Variants in ROR2 observed in about 807,000 individuals in gnomAD.
ROR2 encodes tyrosine-protein kinase transmembrane receptor ROR2.
A neutral mutation model predicts 74.9 loss-of-function variants in ROR2; 33 were observed. That is an observed-to-expected ratio of 0.44 (90% CI 0.33 to 0.59). ROR2 has a LOEUF of 0.59. Among genes scored for constraint, ROR2 ranks in the 20% least tolerant of loss-of-function variants. The pLI, the probability that ROR2 is intolerant of heterozygous loss-of-function variation, is 0.02. For missense variants in ROR2, 1,216 were observed against 1,313.8 expected (o/e 0.93, Z 1.15); for synonymous variants, 586 against 558.7 (o/e 1.05, Z -0.69).
chr9:91,852,659 A>ACACACT (rs1563999941), intron 1 of ROR2, among the ~76,000 whole-genome samples: 1 of 151,426 alleles, frequency 6.6e-6, no homozygotes, highest in South Asian at 2.1e-4. Context: ...ACCCACACAC[A>ACACACT]CAATGTAAGT....
intron 1 of ROR2, among the ~76,000 whole-genome samples, chr9:91,902,873 T>C (rs1564028750): frequency 1.3e-5 from 2 of 152,174 alleles, no homozygotes; most frequent in African/African-American, 4.8e-5. Context: ...ATAGACTGCA[T>C]GTTCCACTTC....
At chr9:91,801,160 TA>T (rs946327647) in intron 1 of ROR2, among the ~76,000 whole-genome samples, 1 of 152,118 alleles carries the variant, frequency 6.6e-6, no homozygotes, top group African/African-American at 2.4e-5. Context: ...CACTTCTCCA[TA>T]ATTAACCACC....
At chr9:91,765,835 G>A (rs770224146) in intron 2 of ROR2, among the ~76,000 whole-genome samples, 4 of 152,274 alleles carry the variant, frequency 2.6e-5, no homozygotes, top group Admixed American at 2.0e-4. Flanking sequence ...TAGCAGAATC[G>A]TTTCTATATT....
chr9:91,898,265 T>C (rs567466632), intron 1 of ROR2, among the ~76,000 whole-genome samples: 2 of 152,228 alleles, frequency 1.3e-5, no homozygotes, highest in Non-Finnish European at 2.9e-5. Flanking sequence ...AGGTGACCTG[T>C]GGCCAACTAA....
At chr9:91,763,008 AT>A (rs1825962123) in intron 2 of ROR2, among the ~76,000 whole-genome samples, 1 of 152,250 alleles carries the variant, frequency 6.6e-6, no homozygotes, top group African/African-American at 2.4e-5. Context: ...CATAAAAAAA[AT>A]CATATCCTTT....
At chr9:91,888,381 T>A (rs1456615574) in intron 1 of ROR2, among the ~76,000 whole-genome samples, 1 of 152,058 alleles carries the variant, frequency 6.6e-6, no homozygotes, top group Non-Finnish European at 1.5e-5. Context: ...TAGTGCCAGA[T>A]TAGAGGACGC....
chr9:91,931,075 T>C (rs761808437), intron 1 of ROR2, among the ~76,000 whole-genome samples: 1 of 152,108 alleles, frequency 6.6e-6, no homozygotes, highest in Non-Finnish European at 1.5e-5. Flanking sequence ...AAATAGAAAC[T>C]ATGCTCCCCC....
rs1017099338 is a variant in ROR2, at chr9:91,927,067, G to A, written c.97+22800C>T. On this transcript the variant is annotated intron_variant, in intron 1 of 8. Coordinates refer to ENST00000375708, the MANE Select transcript of ROR2 (RefSeq NM_004560.4). Reference sequence around the variant, plus strand: ...AAAAATAACACGTTTTTTATAAGAAGTGTTATATCATTAAATTTGGTAGAA... The same window carrying A: ...AAAAATAACACGTTTTTTATAAGAAATGTTATATCATTAAATTTGGTAGAA... 2.7e-5 allele frequency among the ~76,000 whole-genome samples: 4 copies of A among 150,422 alleles called. No homozygotes were observed. The East Asian group carries it at 7.8e-4, about 29-fold the overall frequency.
At chr9:91,878,666 T>C (rs1830020792) in intron 1 of ROR2, among the ~76,000 whole-genome samples, 1 of 152,210 alleles carries the variant, frequency 6.6e-6, no homozygotes, top group African/African-American at 2.4e-5. Flanking sequence ...CCCATCATTC[T>C]CTGAGAAGCA....
At chr9:91,756,234 G>T in intron 3 of ROR2, 133 bp from the exon 4 acceptor site, 1 of 804,076 alleles carries the variant, frequency 1.2e-6, no homozygotes, top group Non-Finnish European at 2.2e-6. Flanking sequence ...CGGGCCTCAG[G>T]CTCCACTCGT....
chr9:91,872,670 C>T (rs962791494), intron 1 of ROR2, among the ~76,000 whole-genome samples: 25 of 152,126 alleles, frequency 1.6e-4, no homozygotes, highest in African/African-American at 4.6e-4. Context: ...AAACACAGGG[C>T]GTGCGTTTTA....
intron 7 of ROR2, 26 bp from the exon 8 acceptor site, chr9:91,726,769 T>C: frequency 6.2e-7 from 1 of 1,612,040 alleles, no homozygotes; most frequent in South Asian, 1.1e-5. Flanking sequence ...CTTTCGTGAT[T>C]TTTCAGAAAA....
intron 2 of ROR2, among the ~76,000 whole-genome samples, chr9:91,769,861 CG>C (rs983679689): frequency 6.6e-6 from 1 of 152,196 alleles, no homozygotes; most frequent in Admixed American, 6.5e-5. Flanking sequence ...GCAGAGACCA[CG>C]CCGCCTCATA....
At chr9:91,738,122 T>C (rs991026645) in intron 4 of ROR2, among the ~76,000 whole-genome samples, 2 of 152,166 alleles carry the variant, frequency 1.3e-5, no homozygotes, top group African/African-American at 2.4e-5. Context: ...AGGTAAAACA[T>C]AAAGAATAAG....
intron 1 of ROR2, among the ~76,000 whole-genome samples, chr9:91,797,772 AGGGCTGACACCCTGGGCTCTGTGGGTG>A (rs1827225536): frequency 6.2e-5 from 2 of 32,280 alleles, no homozygotes; most frequent in Admixed American, 3.0e-4. Flanking sequence ...ATCTGTGGAT[AGGGCTGACACCCTGGGCTCTGTGGGTG>A]GGGCTGACAC....
At chr9:91,787,259 C>G (rs906059350) in intron 1 of ROR2, among the ~76,000 whole-genome samples, 1 of 152,126 alleles carries the variant, frequency 6.6e-6, no homozygotes, top group Non-Finnish European at 1.5e-5. Flanking sequence ...GCCTGTAATC[C>G]CAGCACTTTG....
chr9:91,777,079 T>C (rs1396256366), intron 1 of ROR2, among the ~76,000 whole-genome samples: 8 of 152,234 alleles, frequency 5.3e-5, no homozygotes, highest in Admixed American at 1.3e-4. Context: ...GAACTGACAC[T>C]TTAAGTTTCA....
At chr9:91,732,259 C>A (rs1837268923) in intron 6 of ROR2, among the ~76,000 whole-genome samples, 1 of 152,220 alleles carries the variant, frequency 6.6e-6, no homozygotes, top group African/African-American at 2.4e-5. Flanking sequence ...CAATGGTTTT[C>A]CTCGGAGACA....
intron 1 of ROR2, among the ~76,000 whole-genome samples, chr9:91,944,855 C>G (rs1454432994): frequency 6.6e-6 from 1 of 152,056 alleles, no homozygotes; most frequent in Non-Finnish European, 1.5e-5. Flanking sequence ...AGTTCAAGAC[C>G]AGCCTGGGCA....
Sources: gnomAD v4.1 joint callset for allele counts (sites outside exome capture counted in the v4.1 genomes callset) on GRCh38, gnomAD v4.1.1 for gene constraint, MANE v1.5 for transcripts, NCBI Gene and HGNC (gene_info 2026-07-23, HGNC 2026-07-21) for gene names.